The following CTNND2 variants were observed in gnomAD, a reference collection of about 807,000 sequenced individuals.
CTNND2 encodes catenin delta-2.
In CTNND2, 22 loss-of-function variants were observed where a neutral mutation model predicts 144.4. That is an observed-to-expected ratio of 0.15 (90% confidence interval 0.11 to 0.22). The LOEUF is 0.22. CTNND2 is among the 10% of genes least tolerant of loss of function. CTNND2 has a pLI of 1.00. For synonymous variants in CTNND2, 751 were observed against 695.6 expected, an observed-to-expected ratio of 1.08 and a Z score of -1.25; for missense variants, 1,353 against 1,618.8, an observed-to-expected ratio of 0.84 and a Z score of 2.82.
chr5:11,351,359 T>C lies in CTNND2; in HGVS notation c.1373-4732A>G, dbSNP rs542568018. ...TTTTCCCCTCAATAAGCTCTTAGAA[T>C]TCAATGAACTGTATCACTGGTCTCT... is the stretch of plus-strand genomic sequence containing the variant. On this transcript the variant is annotated intron_variant, in intron 8 of 21. Coordinates refer to ENST00000304623, the MANE Select transcript of CTNND2 (RefSeq NM_001332.4). Among the ~76,000 whole-genome samples, 64 of 152,282 alleles carry C rather than the reference T, an allele frequency of 4.2e-4. No individual in the cohort carries two copies. In the South Asian group the frequency reaches 0.012, roughly 28 times the overall value.
chr5:11,256,393 T>C (rs1561104282), intron 9 of CTNND2, among the ~76,000 whole-genome samples: 2 of 152,214 alleles, frequency 1.3e-5, no homozygotes, highest in Admixed American at 6.5e-5. Flanking sequence ...ACTTGTCACG[T>C]TGAAACTTGA....
chr5:11,045,871 G>C (rs1745192207), intron 16 of CTNND2, among the ~76,000 whole-genome samples: 4 of 152,080 alleles, frequency 2.6e-5, no homozygotes, highest in Admixed American at 2.6e-4. Flanking sequence ...TTATCTTAAA[G>C]AATGTTCCCT....
intron 10 of CTNND2, among the ~76,000 whole-genome samples, chr5:11,230,368 T>TAA (rs34883596): frequency 1.0e-4 from 15 of 150,196 alleles, no homozygotes; most frequent in East Asian, 5.9e-4. Flanking sequence ...AAAGTATAAT[T>TAA]AAAAAAAAAA....
intron 9 of CTNND2, among the ~76,000 whole-genome samples, chr5:11,280,329 G>A (rs1207828422): frequency 1.3e-5 from 2 of 152,200 alleles, no homozygotes; most frequent in African/African-American, 4.8e-5. Context: ...AGACTGCTCT[G>A]CTGCCACACA....
rs1278657050 is a variant in CTNND2 at position 11,758,597 on chromosome 5, T to G, written c.38-26325A>C. On this transcript the variant is annotated intron_variant, in intron 1 of 21. Transcript: ENST00000304623. Reference sequence around the variant, plus strand: ...CCAAGAGACCATGCTTATTCAAAACTCCAAAGACAAATTTCAGAAAAGCTG... The same window carrying G: ...CCAAGAGACCATGCTTATTCAAAACGCCAAAGACAAATTTCAGAAAAGCTG... Among the ~76,000 whole-genome samples the G allele has an allele frequency of 3.3e-5, 5 of 152,152 alleles. No individual in the cohort carries two copies. In the East Asian group the frequency reaches 9.7e-4, roughly 29 times the overall value.
In CTNND2 at chr5:11,501,972, G is replaced by A. The variant is rs141321315; in HGVS notation, c.287+62972C>T. ...GAACCCAGCAGACGGAGCTTGCAGT[G>A]AGCCGTGATTGCGCTACTGCACTCC... is the stretch of plus-strand genomic sequence containing the variant. On this transcript the variant is annotated intron_variant, in intron 3 of 21. Coordinates refer to ENST00000304623, the MANE Select transcript of CTNND2 (RefSeq NM_001332.4). Among the ~76,000 whole-genome samples, 713 of 146,242 alleles carry A rather than the reference G, an allele frequency of 4.9e-3. 4 individuals carry two copies. Among genetic ancestry groups the A allele is most frequent in the African/African-American group, 0.015 (585 of 39,700 alleles).
chr5:11,465,320 A>G (rs1312142894), intron 3 of CTNND2, among the ~76,000 whole-genome samples: 1 of 141,456 alleles, frequency 7.1e-6, no homozygotes, highest in African/African-American at 2.8e-5. Flanking sequence ...TTTTTTTTGC[A>G]TTCTCTTCCT....
intron 9 of CTNND2, among the ~76,000 whole-genome samples, chr5:11,297,420 T>A (rs1012454424): frequency 1.3e-5 from 2 of 152,178 alleles, no homozygotes; most frequent in African/African-American, 4.8e-5. Flanking sequence ...GAGACAGATA[T>A]GAGAATGCAG....
chr5:11,508,960 T>C (rs1159254372), intron 3 of CTNND2, among the ~76,000 whole-genome samples: 3 of 152,088 alleles, frequency 2.0e-5, no homozygotes, highest in African/African-American at 7.2e-5. Context: ...AGTCATCAAA[T>C]TACAGAGCCA....
intron 2 of CTNND2, among the ~76,000 whole-genome samples, chr5:11,719,698 G>T (rs527655838): frequency 7.9e-5 from 12 of 152,232 alleles, no homozygotes; most frequent in African/African-American, 2.9e-4. Context: ...ATTTGGAGAA[G>T]ACCTTAGTTC....
intron 3 of CTNND2, among the ~76,000 whole-genome samples, chr5:11,556,979 C>T (rs556790094): frequency 6.6e-6 from 1 of 152,182 alleles, no homozygotes; most frequent in Admixed American, 6.5e-5. Flanking sequence ...TCAAATTCTA[C>T]CACTTCTCAG....
chr5:11,083,562 G>A (rs891419000), intron 15 of CTNND2, among the ~76,000 whole-genome samples: 4 of 152,174 alleles, frequency 2.6e-5, no homozygotes, highest in Non-Finnish European at 1.5e-5. Flanking sequence ...ATATTAAAAT[G>A]TCCTTGCAAT....
chr5:11,746,494 T>C (rs1157341792), intron 1 of CTNND2, among the ~76,000 whole-genome samples: 3 of 152,274 alleles, frequency 2.0e-5, no homozygotes, highest in African/African-American at 7.2e-5. Context: ...AAAAAAACTT[T>C]TAATGTTTTT....
rs886177760 is a variant in CTNND2 at position 11,903,749 on chromosome 5, G to A, written c.37+68C>T. 15 of 1,433,022 alleles carry A rather than the reference G, an allele frequency of 1.0e-5. No homozygotes were observed. The highest frequency in any genetic ancestry group is 2.8e-6 in the Non-Finnish European group (3 of 1,086,156). 88.8% of individuals were successfully genotyped at this position (1,433,022 alleles called of 1,614,324 possible). The stretch of plus-strand genomic sequence containing the variant: ...GAGCCCAGGACCACCCCCACCAGCG[G>A]CAAGAGGAGGAGGACGGCGCCGGGA... On this transcript the variant is annotated intron_variant, in intron 1 of 21. Coordinates refer to ENST00000304623, the MANE Select transcript of CTNND2 (RefSeq NM_001332.4). This position sits in a 1 kb window ranked among gnomAD's most constrained non-coding sequence, Gnocchi z 5.4.
chr5:11,842,437 G>C (rs1383994877), intron 1 of CTNND2, among the ~76,000 whole-genome samples: 1 of 152,084 alleles, frequency 6.6e-6, no homozygotes, highest in Non-Finnish European at 1.5e-5. Context: ...CCTTAGATAT[G>C]GGCCGGGCGC....
intron 2 of CTNND2, among the ~76,000 whole-genome samples, chr5:11,641,830 G>GTATA (rs1010240909): frequency 6.7e-6 from 1 of 149,108 alleles, no homozygotes; most frequent in African/African-American, 2.5e-5. Context: ...ATACGTATAT[G>GTATA]TGTATGTATG....
chr5:11,082,887 G>T (rs1456182726), intron 15 of CTNND2, 41 bp from the exon 16 acceptor site: 2 of 1,603,736 alleles, frequency 1.2e-6, no homozygotes, highest in Non-Finnish European at 1.7e-6. Context: ...GAAACAGGAA[G>T]AAACCCTGCA....
chr5:11,536,450 C>G (rs1774226069), intron 3 of CTNND2, among the ~76,000 whole-genome samples: 1 of 152,108 alleles, frequency 6.6e-6, no homozygotes, highest in African/African-American at 2.4e-5. Context: ...GCACAGTTTG[C>G]AACTGCAAAA....
intron 1 of CTNND2, among the ~76,000 whole-genome samples, chr5:11,734,615 C>CTATTA (rs1787578728): frequency 6.7e-6 from 1 of 149,674 alleles, no homozygotes; most frequent in Non-Finnish European, 1.5e-5. Flanking sequence ...TTGCCTAAAG[C>CTATTA]TATTACATTA....
Sources: allele counts gnomAD v4.1 joint callset (sites outside exome capture counted in the v4.1 genomes callset), GRCh38; gene constraint gnomAD v4.1.1; non-coding constraint Gnocchi (gnomAD v3.1); transcripts MANE v1.5; gene names NCBI Gene and HGNC (gene_info 2026-07-23, HGNC 2026-07-21).